The following PRKN variants were observed in gnomAD, a reference collection of about 807,000 sequenced individuals.
PRKN encodes E3 ubiquitin-protein ligase parkin.
PRKN carries 56 observed loss-of-function variants against 59.5 expected under a neutral mutation model. The observed-to-expected ratio is 0.94, with a 90% CI of 0.76 to 1.18. The LOEUF (loss-of-function observed/expected upper bound fraction) is 1.18, where lower values mean the gene tolerates loss of function less well. Ranked by LOEUF, PRKN falls within the 50% of genes most tolerant of loss-of-function variation. The pLI is 0.00. For missense variants in PRKN, 657 were observed against 596.4 expected (o/e 1.10, Z -1.06); for synonymous variants, 250 against 222.1 (o/e 1.13, Z -1.12).
chr6:162,601,789 T>C lies in PRKN; in HGVS notation c.7+125873A>G, dbSNP rs914614790. On this transcript the variant is annotated intron_variant, in intron 1 of 11. Coordinates refer to ENST00000366898, the MANE Select transcript of PRKN (RefSeq NM_004562.3). ...TCAGAAAATATTAATAAGACACCCCTAGATTTTACTATACATATTGCATAT... is the reference window on the plus strand; with the variant it reads ...TCAGAAAATATTAATAAGACACCCCCAGATTTTACTATACATATTGCATAT... 3.3e-5 allele frequency among the ~76,000 whole-genome samples: 5 copies of C among 152,180 alleles called. No homozygotes were observed. The South Asian group carries it at 1.0e-3, about 31-fold the overall frequency.
At chr6:162,681,606 G>T (rs758970053) in intron 1 of PRKN, among the ~76,000 whole-genome samples, 9 of 152,138 alleles carry the variant, frequency 5.9e-5, no homozygotes, top group Non-Finnish European at 1.3e-4. Context: ...CAATCAAAAT[G>T]ATTGTGGGCC....
At chr6:162,249,306 G>C (rs1410608428) in intron 3 of PRKN, among the ~76,000 whole-genome samples, 2 of 152,162 alleles carry the variant, frequency 1.3e-5, no homozygotes, top group Non-Finnish European at 2.9e-5. Context: ...GGTTCAATTA[G>C]GATTTGTTCT....
At chr6:161,438,990 A>G (rs1789060982) in intron 9 of PRKN, among the ~76,000 whole-genome samples, 1 of 152,240 alleles carries the variant, frequency 6.6e-6, no homozygotes, top group Non-Finnish European at 1.5e-5. Flanking sequence ...GCAGTTTCAG[A>G]GTAGGCTATC....
At chr6:162,389,072 G>T (rs1787026810) in intron 2 of PRKN, among the ~76,000 whole-genome samples, 1 of 150,424 alleles carries the variant, frequency 6.6e-6, no homozygotes, top group African/African-American at 2.5e-5. Context: ...TAAATGAGGA[G>T]AAAGTAAGGT....
chr6:161,426,757 C>T (rs1477449632), intron 9 of PRKN, among the ~76,000 whole-genome samples: 1 of 151,938 alleles, frequency 6.6e-6, no homozygotes, highest in East Asian at 1.9e-4. Context: ...CTCGCTCTGT[C>T]ACCCAGGCTG....
chr6:161,976,830 T>TA (rs1781051669), intron 5 of PRKN, among the ~76,000 whole-genome samples: 1 of 152,222 alleles, frequency 6.6e-6, no homozygotes, highest in African/African-American at 2.4e-5. Context: ...AGAAAGCACT[T>TA]ACGTTTTTTC....
chr6:161,571,037 C>T (rs1017617518), intron 7 of PRKN, among the ~76,000 whole-genome samples: 2 of 152,144 alleles, frequency 1.3e-5, no homozygotes, highest in African/African-American at 4.8e-5. Flanking sequence ...GCTGAAGGTA[C>T]CCTCTTGCTT....
intron 7 of PRKN, among the ~76,000 whole-genome samples, chr6:161,694,207 G>A (rs536915195): frequency 1.3e-5 from 2 of 152,130 alleles, no homozygotes; most frequent in Non-Finnish European, 1.5e-5. Flanking sequence ...ATAGTTTACA[G>A]CACTGAATTA....
Position 161,473,844 on chromosome 6 carries a change from T to C in PRKN, c.1083+75010A>G, listed in dbSNP as rs1006068590. ...TGTTGTACACCTTAACTATATATAA[T>C]AGAAAAATAAGTAAATAAGAAAGGA... On this transcript the variant is annotated intron_variant, in intron 9 of 11. Coordinates refer to ENST00000366898, the MANE Select transcript of PRKN (RefSeq NM_004562.3). This position sits in a 1 kb window ranked among gnomAD's most constrained non-coding sequence, Gnocchi z 4.1. 1.3e-5 allele frequency among the ~76,000 whole-genome samples: 2 copies of C among 152,090 alleles called. No individual in the cohort carries two copies. Among genetic ancestry groups the C allele is most frequent in the African/African-American group, 4.8e-5 (2 of 41,424 alleles).
chr6:162,672,229 A>G (rs1334685557), intron 1 of PRKN, among the ~76,000 whole-genome samples: 1 of 152,230 alleles, frequency 6.6e-6, no homozygotes, highest in Admixed American at 6.5e-5. Context: ...ACTTAAAAAT[A>G]TAACAATTTT....
rs370445732 is a variant in PRKN, at chr6:162,216,507, G to A, written c.413-15255C>T. Among the ~76,000 whole-genome samples, 64 of 141,044 alleles carry A rather than the reference G, an allele frequency of 4.5e-4. No homozygotes were observed. In the South Asian group the frequency reaches 0.013, roughly 29 times the overall value. The allele number at this position is 141,044 out of a possible 152,430, so 92.5% of individuals were successfully genotyped here. A position where few individuals can be genotyped will look rare whatever the true frequency, so the allele number is the denominator to read the frequency against. On this transcript the variant is annotated intron_variant, in intron 3 of 11. Transcript: ENST00000366898. Reference sequence around the variant, plus strand: ...ATTGCGCCACTGCAGTCCGCAGTCCGGCCTGGGCGACAGAGCGAGACTCCG... The same window carrying A: ...ATTGCGCCACTGCAGTCCGCAGTCCAGCCTGGGCGACAGAGCGAGACTCCG...
At chr6:162,573,608 C>A (rs934023776) in intron 1 of PRKN, among the ~76,000 whole-genome samples, 1 of 151,976 alleles carries the variant, frequency 6.6e-6, no homozygotes, top group Non-Finnish European at 1.5e-5. Context: ...TGCTAGTAAT[C>A]CAAGTGATAT....
intron 1 of PRKN, among the ~76,000 whole-genome samples, chr6:162,578,511 TA>T (rs1780651908): frequency 6.6e-6 from 1 of 152,188 alleles, no homozygotes; most frequent in Non-Finnish European, 1.5e-5. Flanking sequence ...ACAGCAATAC[TA>T]TTTTAAATGT....
intron 6 of PRKN, among the ~76,000 whole-genome samples, chr6:161,879,556 C>A (rs1794856934): frequency 6.6e-6 from 1 of 152,044 alleles, no homozygotes; most frequent in African/African-American, 2.4e-5. Flanking sequence ...CCGTGTTAAC[C>A]AGGATGGTCT....
chr6:161,534,182 C>G (rs1469423248), intron 9 of PRKN, among the ~76,000 whole-genome samples: 1 of 152,118 alleles, frequency 6.6e-6, no homozygotes, highest in Non-Finnish European at 1.5e-5. Flanking sequence ...TCTCCGTCGG[C>G]TAATCATTCC....
At chr6:162,206,977 C>A (rs1291051820) in intron 3 of PRKN, among the ~76,000 whole-genome samples, 1 of 152,116 alleles carries the variant, frequency 6.6e-6, no homozygotes, top group Non-Finnish European at 1.5e-5. Context: ...CTAGTTTAAC[C>A]AATATGTACA....
chr6:161,549,380 C>A lies in PRKN; in HGVS notation c.934-377G>T, dbSNP rs942603772. Among the ~76,000 whole-genome samples, 7 of 152,266 alleles carry A rather than the reference C, an allele frequency of 4.6e-5. No individual in the cohort carries two copies. The highest frequency in any genetic ancestry group is 1.7e-4 in the African/African-American group (7 of 41,550). On this transcript the variant is annotated intron_variant, in intron 8 of 11. Transcript: ENST00000366898. This position sits in a 1 kb window ranked among gnomAD's most constrained non-coding sequence, Gnocchi z 6.0. ...ATATTTATGTATTAAATGATGAACACTTTTAATACATCGCTATCAATCTTA... is the reference window on the plus strand; with the variant it reads ...ATATTTATGTATTAAATGATGAACAATTTTAATACATCGCTATCAATCTTA...
intron 1 of PRKN, chr6:162,568,244 C>G (rs1188099649): frequency 5.6e-6 from 1 of 178,866 alleles, no homozygotes; most frequent in Non-Finnish European, 1.2e-5. Flanking sequence ...CAAGCACAAG[C>G]AACCAAAGCA....
intron 9 of PRKN, among the ~76,000 whole-genome samples, chr6:161,485,238 AG>A (rs1182674348): frequency 1.3e-5 from 2 of 152,226 alleles, no homozygotes; most frequent in Admixed American, 1.3e-4. Flanking sequence ...TAGGCTAGGC[AG>A]AGTAGGCAGA....
Sources: gnomAD v4.1 joint callset for allele counts (sites outside exome capture counted in the v4.1 genomes callset) on GRCh38, gnomAD v4.1.1 for gene constraint, Gnocchi (gnomAD v3.1) non-coding constraint, MANE v1.5 for transcripts, NCBI Gene and HGNC (gene_info 2026-07-23, HGNC 2026-07-21) for gene names.